The following TTC7B variants were observed in gnomAD, a reference collection of about 807,000 sequenced individuals.
The protein encoded by TTC7B is tetratricopeptide repeat protein 7B.
In TTC7B, 28 loss-of-function variants were observed where a neutral mutation model predicts 106.8. The observed-to-expected ratio is 0.26, with a 90% CI of 0.19 to 0.36. The LOEUF is 0.36. Ranked by LOEUF, TTC7B falls within the 10% of genes least tolerant of loss-of-function variation. The pLI, the probability that TTC7B is intolerant of heterozygous loss-of-function variation, is 1.00. For synonymous variants in TTC7B, 405 were observed against 430.6 expected (o/e 0.94, Z 0.74); for missense variants, 862 against 1,076.4 (o/e 0.80, Z 2.79).
At chr14:90,588,587 T>A (rs1263777715) in intron 18 of TTC7B, among the ~76,000 whole-genome samples, 1 of 152,168 alleles carries the variant, frequency 6.6e-6, no homozygotes, top group Non-Finnish European at 1.5e-5. Context: ...GAACCATGTC[T>A]TGAGGTGCCA....
chr14:90,781,252 T>C (rs910167980), intron 2 of TTC7B, among the ~76,000 whole-genome samples: 3 of 152,218 alleles, frequency 2.0e-5, no homozygotes, highest in Non-Finnish European at 4.4e-5. Flanking sequence ...ATGTCCAGGA[T>C]AGTCAAGTCT....
chr14:90,566,624 C>T (rs549329314), intron 19 of TTC7B, among the ~76,000 whole-genome samples: 7 of 152,202 alleles, frequency 4.6e-5, no homozygotes, highest in Non-Finnish European at 8.8e-5. Context: ...GATGAGAAAA[C>T]GGAGGAAGCC....
intron 15 of TTC7B, among the ~76,000 whole-genome samples, chr14:90,630,630 T>C (rs1473722516): frequency 2.6e-5 from 4 of 152,218 alleles, no homozygotes; most frequent in Non-Finnish European, 4.4e-5. Context: ...CCGCACCCAC[T>C]GAACAATAGC....
At chr14:90,778,171 T>C (rs1324821031) in intron 3 of TTC7B, among the ~76,000 whole-genome samples, 1 of 152,146 alleles carries the variant, frequency 6.6e-6, no homozygotes, top group Non-Finnish European at 1.5e-5. Flanking sequence ...GAAGTGACCC[T>C]TCCCTCTCCC....
Position 90,689,526 on chromosome 14 carries a change from A to C in TTC7B, c.950+14T>G. 6.2e-7 allele frequency: 1 copy of C among 1,610,904 alleles called. No individual in the cohort carries two copies. Among genetic ancestry groups the C allele is most frequent in the Non-Finnish European group, 8.5e-7 (1 of 1,178,096 alleles). On this transcript the variant is annotated intron_variant, in intron 7 of 19. Coordinates refer to ENST00000328459, the MANE Select transcript of TTC7B (RefSeq NM_001010854.2). ...CAACCCATAACCTACAAGTGAGGAC[A>C]TCAACTTTCATACTTCTCTCCTGAG... is the stretch of plus-strand genomic sequence containing the variant.
chr14:90,609,399 A>C (rs551823911), intron 17 of TTC7B, among the ~76,000 whole-genome samples: 2 of 152,320 alleles, frequency 1.3e-5, no homozygotes, highest in South Asian at 4.1e-4. Flanking sequence ...ATTTGGTACA[A>C]GGGAGCCTAG....
chr14:90,726,425 G>C (rs948933897), intron 5 of TTC7B, among the ~76,000 whole-genome samples: 4 of 152,180 alleles, frequency 2.6e-5, no homozygotes, highest in African/African-American at 9.7e-5. Context: ...CCCTGGCAAT[G>C]TCCGGCTCGG....
At chr14:90,741,170 G>A (rs1015500149) in intron 4 of TTC7B, among the ~76,000 whole-genome samples, 1 of 152,114 alleles carries the variant, frequency 6.6e-6, no homozygotes, top group African/African-American at 2.4e-5. Flanking sequence ...TCCCTCGAGG[G>A]GAAGCCAGGT....
rs1051986082 is a variant in TTC7B, at chr14:90,577,905, C to T, written c.2310+201G>A. 6.6e-6 allele frequency among the ~76,000 whole-genome samples: 1 copy of T among 152,236 alleles called. No homozygotes were observed. Among genetic ancestry groups the T allele is most frequent in the African/African-American group, 2.4e-5 (1 of 41,464 alleles). ...GTCGGGTAGGGCTGCTGAGGCTATACACAGCCAACTCTGGGGGTGCCATTT... is the reference window on the plus strand; with the variant it reads ...GTCGGGTAGGGCTGCTGAGGCTATATACAGCCAACTCTGGGGGTGCCATTT... On this transcript the variant is annotated intron_variant, in intron 19 of 19. Transcript: ENST00000328459. The surrounding 1 kb of genome is among the most constrained non-coding windows in gnomAD (Gnocchi z 5.0).
chr14:90,814,538 A>G (rs1457770195), intron 1 of TTC7B, among the ~76,000 whole-genome samples: 1 of 152,202 alleles, frequency 6.6e-6, no homozygotes, highest in Admixed American at 6.5e-5. Context: ...GGGTGAATGA[A>G]TAAGCAAAGA....
At chr14:90,693,178 G>T (rs563793271) in intron 6 of TTC7B, among the ~76,000 whole-genome samples, 24 of 152,236 alleles carry the variant, frequency 1.6e-4, no homozygotes, top group African/African-American at 5.8e-4. Context: ...ACATGAGGTT[G>T]TTACATCAAC....
intron 19 of TTC7B, among the ~76,000 whole-genome samples, chr14:90,545,523 G>A (rs1457501982): frequency 2.0e-5 from 3 of 152,212 alleles, no homozygotes; most frequent in African/African-American, 7.2e-5. Context: ...TGAGGCTTGG[G>A]AAGGCTGCCA....
chr14:90,590,753 G>A (rs1034345250), intron 18 of TTC7B, among the ~76,000 whole-genome samples: 2 of 152,160 alleles, frequency 1.3e-5, no homozygotes, highest in Non-Finnish European at 1.5e-5. Context: ...TATATGATAC[G>A]ATTCTAAATC....
chr14:90,777,435 C>T (rs1891069003), intron 3 of TTC7B, among the ~76,000 whole-genome samples: 1 of 152,064 alleles, frequency 6.6e-6, no homozygotes, highest in African/African-American at 2.4e-5. Flanking sequence ...ATAGTGCTGG[C>T]CCATAGGAGG....
chr14:90,631,569 C>A (rs143217060), intron 15 of TTC7B, among the ~76,000 whole-genome samples: 2 of 151,640 alleles, frequency 1.3e-5, no homozygotes, highest in Non-Finnish European at 2.9e-5. Flanking sequence ...TTACCACACC[C>A]GGCTAATTTT....
chr14:90,718,004 T>C lies in TTC7B; in HGVS notation c.698+12071A>G, dbSNP rs944888365. 2.0e-5 allele frequency among the ~76,000 whole-genome samples: 3 copies of C among 152,206 alleles called. No individual in the cohort carries two copies. The South Asian group carries it at 6.2e-4, about 32-fold the overall frequency. ...GCTTCCTTCTTGACCAGACAGGATA[T>C]GAATTCCTTCTTCCCCACACTCATG... On this transcript the variant is annotated intron_variant, in intron 5 of 19. Coordinates refer to ENST00000328459, the MANE Select transcript of TTC7B (RefSeq NM_001010854.2).
At chr14:90,548,334 T>TCCA (rs763185451) in intron 19 of TTC7B, among the ~76,000 whole-genome samples, 3 of 152,220 alleles carry the variant, frequency 2.0e-5, no homozygotes, top group Non-Finnish European at 4.4e-5. Flanking sequence ...GGTCAGAAAC[T>TCCA]CCACCATTAC....
chr14:90,786,827 C>T (rs1299889088), intron 1 of TTC7B, among the ~76,000 whole-genome samples: 1 of 152,080 alleles, frequency 6.6e-6, no homozygotes, highest in Non-Finnish European at 1.5e-5. Context: ...GTGATCCGCC[C>T]ACCTCGACCT....
In TTC7B at chr14:90,729,924, C is replaced by T. The variant is rs576777831; in HGVS notation, c.698+151G>A. On this transcript the variant is annotated intron_variant, in intron 5 of 19. Coordinates refer to ENST00000328459, the MANE Select transcript of TTC7B (RefSeq NM_001010854.2). ...CCAGGTAGAGAAGAGACAAAAACAG[C>T]CAATGTTCATTCTTTAAAAGAAAAA... 375 of 812,870 alleles carry T rather than the reference C, an allele frequency of 4.6e-4. 1 individual carries two copies. Among genetic ancestry groups the T allele is most frequent in the Non-Finnish European group, 6.2e-4 (344 of 557,092 alleles). The allele number at this position is 812,870 out of a possible 1,614,324, so 50.4% of individuals were successfully genotyped here.
Sources: allele counts gnomAD v4.1 joint callset (sites outside exome capture counted in the v4.1 genomes callset), GRCh38; gene constraint gnomAD v4.1.1; non-coding constraint Gnocchi (gnomAD v3.1); transcripts MANE v1.5; gene names NCBI Gene and HGNC (gene_info 2026-07-23, HGNC 2026-07-21).